Variants in ZXDC observed in about 807,000 individuals in gnomAD.
The protein encoded by ZXDC is zinc finger protein ZXDC.
In ZXDC, 58 loss-of-function variants were observed where a neutral mutation model predicts 63.6. That is an observed-to-expected ratio of 0.91 (90% confidence interval 0.74 to 1.13). The LOEUF (loss-of-function observed/expected upper bound fraction) is 1.13, where lower values mean the gene tolerates loss of function less well. ZXDC is among the 50% of genes most tolerant of loss of function. ZXDC has a pLI of 0.00. For synonymous variants in ZXDC, 561 were observed against 496.1 expected (o/e 1.13, Z -1.74); for missense variants, 1,133 against 1,148.9 (o/e 0.99, Z 0.20).
In ZXDC at chr3:126,472,174, T is replaced by C. The variant is rs911504444; in HGVS notation, c.1039A>G (p.Ile347Val). The C allele has an allele frequency of 1.9e-6, 3 of 1,609,666 alleles. No homozygotes were observed. The highest frequency in any genetic ancestry group is 2.6e-6 in the Non-Finnish European group (3 of 1,176,270). Reference sequence around the variant, plus strand: ...TTACCTGTATGGCTCCGCAGGTGAATTTTCAGCCGACAGGCTTTATCATAC... The same window carrying C: ...TTACCTGTATGGCTCCGCAGGTGAACTTTCAGCCGACAGGCTTTATCATAC... ...KQYDKACRLK[I>V]HLRSHTGERP... Residue 347 changes from isoleucine to valine, a missense_variant, in exon 2 of 10, where the codon ATT (isoleucine) becomes GTT (valine). By Grantham distance (29) the Ile-to-Val change is conservative. Transcript: ENST00000389709.
At position 126,472,041 on chromosome 3, in the gene ZXDC, T is replaced by C. The variant is rs1231411109; in HGVS notation, c.1071A>G (p.Pro357=). The C allele has an allele frequency of 1.9e-6, 3 of 1,613,592 alleles. No individual in the cohort carries two copies. In the South Asian group the frequency reaches 3.3e-5, roughly 18 times the overall value. Residue 357 remains proline (P), a synonymous_variant, in exon 3 of 10, where the codon CCA becomes CCG. Transcript: ENST00000389709. ...CACAGCTGTCAGAGTCACAAATAAA[T>C]GGTCTTTCACCTTATAAAAGAAAAA... ...IHLRSHTGER[P]FICDSDSCGW...
rs778851673 is a variant in ZXDC at position 126,466,198 on chromosome 3, G to A, written c.1398C>T (p.His466=). ...GTCTGACCATGTGCGCCTTCATGCT[G>A]TGCTTGGAGGTGAAGAGTCTGTTGC... ...STCNRLFTSK[H]SMKAHMVRQH... The change falls in exon 5 of 10, where the codon CAC becomes CAT. Residue 466 remains histidine (H), a synonymous_variant. Coordinates refer to ENST00000389709, the MANE Select transcript of ZXDC (RefSeq NM_025112.5). 12 of 1,614,220 alleles carry A rather than the reference G, an allele frequency of 7.4e-6. No homozygotes were observed. The highest frequency in any genetic ancestry group is 1.7e-5 in the Admixed American group (1 of 60,028).
chr3:126,472,091 T>C (rs1298290357), intron 2 of ZXDC, 40 bp from the exon 3 acceptor site: 1 of 1,609,744 alleles, frequency 6.2e-7, no homozygotes. Flanking sequence ...AATTTACAAC[T>C]CCAACAGCTA....
At chr3:126,452,744 C>CTT (rs34131353) in intron 7 of ZXDC, among the ~76,000 whole-genome samples, 232 of 143,214 alleles carry the variant, frequency 1.6e-3, no homozygotes, top group East Asian at 4.6e-3. Flanking sequence ...TGCAGTTTTT[C>CTT]TTTTTTTTTT....
intron 1 of ZXDC, among the ~76,000 whole-genome samples, chr3:126,473,086 A>G (rs1348244379): frequency 6.6e-6 from 1 of 152,182 alleles, no homozygotes; most frequent in Admixed American, 6.5e-5. Flanking sequence ...GCACTGCCCA[A>G]AAGTATCAGC....
chr3:126,469,188 G>A (rs555203930), intron 4 of ZXDC, among the ~76,000 whole-genome samples: 1 of 152,082 alleles, frequency 6.6e-6, no homozygotes, highest in Non-Finnish European at 1.5e-5. Flanking sequence ...CAGAATTCAG[G>A]CTTTTGATCA....
At chr3:126,453,853 C>A (rs1037849674) in intron 7 of ZXDC, 22 of 985,250 alleles carry the variant, frequency 2.2e-5, no homozygotes, top group Non-Finnish European at 2.5e-5. Context: ...GCATGAGCCA[C>A]CGCGCCCAGC....
At chr3:126,454,793 G>C in intron 7 of ZXDC, 5 of 985,384 alleles carry the variant, frequency 5.1e-6, no homozygotes, top group Non-Finnish European at 4.8e-6. Context: ...GCTTAACTTT[G>C]CTATTCATTT....
intron 7 of ZXDC, chr3:126,454,051 CATATAT>C (rs201861374): frequency 2.7e-5 from 19 of 698,070 alleles, no homozygotes; most frequent in Non-Finnish European, 3.3e-5. Context: ...TAGTACTACA[CATATAT>C]ATATATATTT....
intron 5 of ZXDC, 119 bp from the exon 6 acceptor site, chr3:126,462,339 C>T (rs1934590954): frequency 1.2e-5 from 17 of 1,436,870 alleles, no homozygotes; most frequent in Non-Finnish European, 1.5e-5. Flanking sequence ...CCTCTTCCCA[C>T]ACCCTGAAGC....
chr3:126,475,688 C>A lies in ZXDC; in HGVS notation c.178G>T (p.Gly60Trp), dbSNP rs750265048. 1.5e-6 allele frequency: 2 copies of A among 1,341,256 alleles called. No individual in the cohort carries two copies. Among genetic ancestry groups the A allele is most frequent in the South Asian group, 1.7e-5 (1 of 59,340 alleles). The allele number at this position is 1,341,256 out of a possible 1,614,324, so 83.1% of individuals were successfully genotyped here. A position where few individuals can be genotyped will look rare whatever the true frequency, so the allele number is the denominator to read the frequency against. The stretch of plus-strand genomic sequence containing the variant: ...TCCTCGGCGGGCGGCGGGCTTGGCC[C>A]GGAGGCCTCCCCGGGCCGCGCCCCG... ...GPGARPGEAS[G>W]PSPPPAEDDS... Residue 60 changes from glycine (G) to tryptophan (W), a missense_variant, in exon 1 of 10, where the codon GGG becomes TGG. By Grantham distance (184) the Gly-to-Trp change is radical (BLOSUM62 -2). Coordinates refer to ENST00000389709, the MANE Select transcript of ZXDC (RefSeq NM_025112.5).
At chr3:126,451,201 C>T in intron 7 of ZXDC, 1 of 985,306 alleles carries the variant, frequency 1.0e-6, no homozygotes, top group Non-Finnish European at 1.2e-6. Flanking sequence ...CATAATAAAA[C>T]ATTCACAATC....
At chr3:126,462,282 T>G in intron 5 of ZXDC, 62 bp from the exon 6 acceptor site, 4 of 1,519,192 alleles carry the variant, frequency 2.6e-6, no homozygotes, top group African/African-American at 1.4e-5. Flanking sequence ...TACTTTTGTT[T>G]ATGCCCATGA....
At chr3:126,444,222 C>A (rs1163260210) in intron 7 of ZXDC, among the ~76,000 whole-genome samples, 1 of 152,124 alleles carries the variant, frequency 6.6e-6, no homozygotes, top group Non-Finnish European at 1.5e-5. Flanking sequence ...AATAAAAATA[C>A]TGAAACATGT....
chr3:126,457,540 G>C, intron 7 of ZXDC: 1 of 985,346 alleles, frequency 1.0e-6, no homozygotes, highest in Non-Finnish European at 1.2e-6. Context: ...CAGGTACCAG[G>C]TTTCCATTTC....
chr3:126,441,065 C>T, intron 8 of ZXDC: 1 of 985,590 alleles, frequency 1.0e-6, no homozygotes, highest in Non-Finnish European at 1.2e-6. Context: ...TTGTATATCT[C>T]TTCTCTCCCC....
intron 4 of ZXDC, among the ~76,000 whole-genome samples, chr3:126,467,088 C>T (rs1000822443): frequency 1.3e-5 from 2 of 152,116 alleles, no homozygotes; most frequent in Non-Finnish European, 2.9e-5. Flanking sequence ...GAAGTCAGTG[C>T]CAACACTGAA....
chr3:126,441,995 C>G, intron 7 of ZXDC, 49 bp from the exon 8 acceptor site: 2 of 1,509,356 alleles, frequency 1.3e-6, no homozygotes, highest in South Asian at 1.4e-5. Flanking sequence ...ATCTACCAGT[C>G]AGGTCTGCCC....
chr3:126,464,261 G>A (rs974109054), intron 5 of ZXDC, among the ~76,000 whole-genome samples: 1 of 152,184 alleles, frequency 6.6e-6, no homozygotes, highest in African/African-American at 2.4e-5. Context: ...CAGAGCATCT[G>A]GCAAAACAGT....
Sources: gnomAD v4.1 joint callset for allele counts (sites outside exome capture counted in the v4.1 genomes callset) on GRCh38, gnomAD v4.1.1 for gene constraint, MANE v1.5 for transcripts, NCBI Gene and HGNC (gene_info 2026-07-23, HGNC 2026-07-21) for gene names.